The following ANKRD34A variants were observed in gnomAD, a reference collection of about 807,000 sequenced individuals.
ANKRD34A encodes ankyrin repeat domain 34A.
In ANKRD34A, 7 loss-of-function variants were observed where a neutral mutation model predicts 27.1. The ratio of observed to expected loss-of-function variants is 0.26; its 90% CI spans 0.15 to 0.49. ANKRD34A has a LOEUF of 0.49. ANKRD34A is among the 20% of genes least tolerant of loss of function. The pLI is 0.99. For missense variants in ANKRD34A, 472 were observed against 682.1 expected (o/e 0.69, Z 3.43); for synonymous variants, 301 against 300.8 (o/e 1.00, Z -0.01).
chr1:145,961,319 A>G lies in ANKRD34A; in HGVS notation c.441T>C (p.Asp147=), dbSNP rs1356323899. The G allele has an allele frequency of 1.9e-6, 3 of 1,614,052 alleles. No homozygotes were observed. Among genetic ancestry groups the G allele is most frequent in the Admixed American group, 1.7e-5 (1 of 60,022 alleles). ...TCTTCTTGGTGCCTGAGGGCGAGGT[A>G]TCGGTGGTGATGATGATGACCTCCG... is the stretch of plus-strand genomic sequence containing the variant. ...KGTEVIIITT[D]TSPSGTKKTR... is the part of the protein sequence containing the mutation. The change falls in exon 4 of 4, where the codon GAT becomes GAC. Residue 147 remains aspartate (D), a synonymous_variant. Coordinates refer to ENST00000606888, the MANE Select transcript of ANKRD34A (RefSeq NM_001039888.4). This position sits in a 1 kb window ranked among gnomAD's most constrained non-coding sequence, Gnocchi z 9.5.
chr1:145,960,929 G>A lies in ANKRD34A; in HGVS notation c.831C>T (p.Gly277=). The A allele has an allele frequency of 6.2e-7, 1 of 1,614,224 alleles. No individual in the cohort carries two copies. Among genetic ancestry groups the A allele is most frequent in the African/African-American group, 1.3e-5 (1 of 75,072 alleles). ...GACGGGGTCGACCGGTCAGGGTCAG[G>A]CCATTGAATTCGGCAGTCAAGCGCT... ...GIERLTAEFN[G]LTLTGRPRLS... Residue 277 remains glycine, a synonymous_variant, in exon 4 of 4, where the codon GGC becomes GGT. Transcript: ENST00000606888. The surrounding 1 kb of genome is among the most constrained non-coding windows in gnomAD (Gnocchi z 5.5).
chr1:145,960,519 A>T lies in ANKRD34A; in HGVS notation c.1241T>A (p.Leu414Gln). Residue 414 changes from leucine to glutamine, a missense_variant, in exon 4 of 4, where the codon CTG (leucine) becomes CAG (glutamine). Leu to Gln is a moderately radical substitution (Grantham distance 113). Around this residue, in one of 4 missense-constraint regions of ANKRD34A, gnomAD observed 295 missense variants for 335.0 expected, o/e 0.88. Coordinates refer to ENST00000606888, the MANE Select transcript of ANKRD34A (RefSeq NM_001039888.4). This position sits in a 1 kb window ranked among gnomAD's most constrained non-coding sequence, Gnocchi z 5.5. ...LERRGSGTLLLDHISQTRPGF... is the reference protein window; with the variant it reads ...LERRGSGTLLQDHISQTRPGF... ...CGGCCGCGTTTGCGAGATGTGGTCCAGGAGCAACGTCCCCGAGCCCCTCCG... is the reference window on the plus strand; with the variant it reads ...CGGCCGCGTTTGCGAGATGTGGTCCTGGAGCAACGTCCCCGAGCCCCTCCG... The T allele has an allele frequency of 6.3e-7, 1 of 1,595,464 alleles. No homozygotes were observed. Among genetic ancestry groups the T allele is most frequent in the South Asian group, 1.1e-5 (1 of 87,864 alleles).
Position 145,960,591 on chromosome 1 carries a change from G to A in ANKRD34A, c.1169C>T (p.Ala390Val). Residue 390 changes from alanine to valine, a missense_variant, in exon 4 of 4, where the codon GCA becomes GTA. Physicochemically the swap from Ala to Val is moderately conservative, Grantham distance 64. Around this residue, in one of 4 missense-constraint regions of ANKRD34A, gnomAD observed 295 missense variants for 335.0 expected, o/e 0.88. Transcript: ENST00000606888. This position sits in a 1 kb window ranked among gnomAD's most constrained non-coding sequence, Gnocchi z 5.5. ...PRQSQESLPG[A>V]VSPLSGRRRS... ...CCTCCTTCCGCTTAGCGGAGATACT[G>A]CCCCTGGCAGACTCTCCTGGGACTG... 2 of 1,584,456 alleles carry A rather than the reference G, an allele frequency of 1.3e-6. No homozygotes were observed. Among genetic ancestry groups the A allele is most frequent in the Non-Finnish European group, 8.6e-7 (1 of 1,163,598 alleles).
rs1649873166 is a variant in ANKRD34A, at chr1:145,963,379, C to T, written c.-738G>A. Reference sequence around the variant, plus strand: ...TGCTTAGACGTCTTATTTTTTCCATCTTGCTTGACGATCTCTGTCTGAAAC... The same window carrying T: ...TGCTTAGACGTCTTATTTTTTCCATTTTGCTTGACGATCTCTGTCTGAAAC... On this transcript the variant is annotated 5_prime_UTR_variant, in exon 2 of 4. Transcript: ENST00000606888. The T allele has an allele frequency of 6.6e-6, 1 of 152,296 alleles. No homozygotes were observed. Among genetic ancestry groups the T allele is most frequent in the Non-Finnish European group, 1.5e-5 (1 of 68,076 alleles). The allele number at this position is 152,296 out of a possible 1,614,324, so 9.4% of individuals were successfully genotyped here. A position where few individuals can be genotyped will look rare whatever the true frequency, so the allele number is the denominator to read the frequency against.
Position 145,960,177 on chromosome 1 carries a change from A to C in ANKRD34A, c.*92T>G. 7.1e-7 allele frequency: 1 copy of C among 1,400,422 alleles called. No homozygotes were observed. The highest frequency in any genetic ancestry group is 3.2e-5 in the Admixed American group (1 of 31,326). The allele number at this position is 1,400,422 out of a possible 1,614,324, so 86.7% of individuals were successfully genotyped here. ...GTGCACCCATGAGCACATGCAAGAGATCCCTTTGTTCGTGGTGTGTGTGTG... is the reference window on the plus strand; with the variant it reads ...GTGCACCCATGAGCACATGCAAGAGCTCCCTTTGTTCGTGGTGTGTGTGTG... On this transcript the variant is annotated 3_prime_UTR_variant, in exon 4 of 4. Coordinates refer to ENST00000606888, the MANE Select transcript of ANKRD34A (RefSeq NM_001039888.4). The surrounding 1 kb of genome is among the most constrained non-coding windows in gnomAD (Gnocchi z 5.5).
In ANKRD34A at chr1:145,960,788, A is replaced by C. The variant is rs1225103792; in HGVS notation, c.972T>G (p.Gly324=). 1.9e-6 allele frequency: 3 copies of C among 1,614,018 alleles called. No individual in the cohort carries two copies. The African/African-American group carries it at 4.0e-5, about 22-fold the overall frequency. Residue 324 remains glycine, a synonymous_variant, in exon 4 of 4, where the codon GGT becomes GGG. Coordinates refer to ENST00000606888, the MANE Select transcript of ANKRD34A (RefSeq NM_001039888.4). This position sits in a 1 kb window ranked among gnomAD's most constrained non-coding sequence, Gnocchi z 5.5. Reference sequence around the variant, plus strand: ...GTTTCTGCCTCAGCCCTGAAGGGGGACCAGACTCCTGAGCTTCTGGTGCTG... The same window carrying C: ...GTTTCTGCCTCAGCCCTGAAGGGGGCCCAGACTCCTGAGCTTCTGGTGCTG... The part of the protein sequence containing the change: ...RNTAPEAQES[G]PPSGLRQKLS...
chr1:145,962,384 C>A, intron 3 of ANKRD34A, 37 bp downstream of exon 3: 1 of 152,636 alleles, frequency 6.6e-6, no homozygotes, highest in Non-Finnish European at 1.5e-5. Context: ...TCACTCCTTG[C>A]TCTTTCCCCT....
In ANKRD34A at chr1:145,961,311, G is replaced by A; in HGVS notation, c.449C>T (p.Pro150Leu). 6.2e-7 allele frequency: 1 copy of A among 1,614,040 alleles called. No individual in the cohort carries two copies. The highest frequency in any genetic ancestry group is 8.5e-7 in the Non-Finnish European group (1 of 1,180,014). The change falls in exon 4 of 4, where the codon CCC becomes CTC. Residue 150 changes from proline (P) to leucine (L), a missense_variant. Physicochemically the swap from Pro to Leu is moderately conservative, Grantham distance 98. Around this residue, in one of 4 missense-constraint regions of ANKRD34A, gnomAD observed 118 missense variants for 253.6 expected, o/e 0.47. Coordinates refer to ENST00000606888, the MANE Select transcript of ANKRD34A (RefSeq NM_001039888.4). The surrounding 1 kb of genome is among the most constrained non-coding windows in gnomAD (Gnocchi z 9.5). Reference protein sequence around the residue: ...EVIIITTDTSPSGTKKTRQYL... With the variant: ...EVIIITTDTSLSGTKKTRQYL... ...CTGCCGGGTCTTCTTGGTGCCTGAG[G>A]GCGAGGTATCGGTGGTGATGATGAT...
Position 145,960,533 on chromosome 1 carries a change from C to T in ANKRD34A, c.1227G>A (p.Ser409=), listed in dbSNP as rs782387432. 1.3e-6 allele frequency: 2 copies of T among 1,586,546 alleles called. No individual in the cohort carries two copies. The highest frequency in any genetic ancestry group is 2.3e-5 in the South Asian group (2 of 87,080). ...RSPGLLERRG[S]GTLLLDHISQ... ...AGATGTGGTCCAGGAGCAACGTCCC[C>T]GAGCCCCTCCGCTCCAGCAGCCCCG... The change falls in exon 4 of 4, where the codon TCG becomes TCA. Residue 409 remains serine (S), a synonymous_variant. Transcript: ENST00000606888. This position sits in a 1 kb window ranked among gnomAD's most constrained non-coding sequence, Gnocchi z 5.5.
Position 145,960,571 on chromosome 1 carries a change from T to C in ANKRD34A, c.1189A>G (p.Arg397Gly), listed in dbSNP as rs782481895. 2.4e-5 allele frequency: 38 copies of C among 1,585,740 alleles called. No homozygotes were observed. Among genetic ancestry groups the C allele is most frequent in the Non-Finnish European group, 2.9e-5 (34 of 1,165,334 alleles). ...LPGAVSPLSG[R>G]RRSPGLLERR... ...TCCAGCAGCCCCGGACTCCGCCTCCTTCCGCTTAGCGGAGATACTGCCCCT... is the reference window on the plus strand; with the variant it reads ...TCCAGCAGCCCCGGACTCCGCCTCCCTCCGCTTAGCGGAGATACTGCCCCT... The change falls in exon 4 of 4, where the codon AGG becomes GGG. Residue 397 changes from arginine to glycine, a missense_variant. Arg to Gly is a moderately radical substitution (Grantham distance 125). Around this residue, in one of 4 missense-constraint regions of ANKRD34A, gnomAD observed 295 missense variants for 335.0 expected, o/e 0.88. Coordinates refer to ENST00000606888, the MANE Select transcript of ANKRD34A (RefSeq NM_001039888.4). This position sits in a 1 kb window ranked among gnomAD's most constrained non-coding sequence, Gnocchi z 5.5.
In ANKRD34A at chr1:145,962,617, G is replaced by C. The variant is rs1471983797; in HGVS notation, c.-317C>G. ...AGCGCCCCGGGCACAGCGCCGGCTC[G>C]GGAGGAGAGAAGCTTGGCGGGGGGG... On this transcript the variant is annotated 5_prime_UTR_variant, in exon 3 of 4. Coordinates refer to ENST00000606888, the MANE Select transcript of ANKRD34A (RefSeq NM_001039888.4). The C allele has an allele frequency of 7.7e-5, 10 of 129,784 alleles. No homozygotes were observed. The highest frequency in any genetic ancestry group is 9.8e-5 in the Non-Finnish European group (6 of 61,154). The allele number at this position is 129,784 out of a possible 1,614,324, so 8.0% of individuals were successfully genotyped here. A position where few individuals can be genotyped will look rare whatever the true frequency, so the allele number is the denominator to read the frequency against.
Position 145,961,480 on chromosome 1 carries a change from C to A in ANKRD34A, c.280G>T (p.Ala94Ser). Residue 94 changes from alanine to serine, a missense_variant, in exon 4 of 4, where the codon GCC (alanine) becomes TCC (serine). Physicochemically the swap from Ala to Ser is moderately conservative, Grantham distance 99. Transcript: ENST00000606888. This position sits in a 1 kb window ranked among gnomAD's most constrained non-coding sequence, Gnocchi z 9.5. ...ACAGGGGAAV[A>S]SLLLAHGADP... ...GCGCCGTGGGCAAGGAGCAGCGAGG[C>A]CACCGCGGCGCCCCCACCCCCGGCG... 1 of 1,576,618 alleles carries A rather than the reference C, an allele frequency of 6.3e-7. No homozygotes were observed. The highest frequency in any genetic ancestry group is 8.6e-7 in the Non-Finnish European group (1 of 1,161,566).
chr1:145,960,147 G>A lies in ANKRD34A; in HGVS notation c.*122C>T, dbSNP rs1413108797. The stretch of plus-strand genomic sequence containing the variant: ...GACACATGTTTAACCATGTGTGGGT[G>A]CACTGTGCACCCATGAGCACATGCA... On this transcript the variant is annotated 3_prime_UTR_variant, in exon 4 of 4. Transcript: ENST00000606888. This position sits in a 1 kb window ranked among gnomAD's most constrained non-coding sequence, Gnocchi z 5.5. The A allele has an allele frequency of 8.4e-7, 1 of 1,192,252 alleles. No homozygotes were observed. Among genetic ancestry groups the A allele is most frequent in the Admixed American group, 3.5e-5 (1 of 28,668 alleles). The allele number at this position is 1,192,252 out of a possible 1,614,324, so 73.9% of individuals were successfully genotyped here.
Position 145,961,580 on chromosome 1 carries a change from T to C in ANKRD34A, c.180A>G (p.Val60=). 1 of 1,606,640 alleles carries C rather than the reference T, an allele frequency of 6.2e-7. No individual in the cohort carries two copies. The highest frequency in any genetic ancestry group is 1.1e-5 in the South Asian group (1 of 90,122). ...YDDPQNKARM[V]RYLLEQGADP... Reference sequence around the variant, plus strand: ...CCGCGCCTTGCTCCAGGAGGTAGCGTACCATGCGTGCCTTGTTCTGGGGGT... The same window carrying C: ...CCGCGCCTTGCTCCAGGAGGTAGCGCACCATGCGTGCCTTGTTCTGGGGGT... The change falls in exon 4 of 4, where the codon GTA becomes GTG. Residue 60 remains valine (V), a synonymous_variant. Coordinates refer to ENST00000606888, the MANE Select transcript of ANKRD34A (RefSeq NM_001039888.4). This position sits in a 1 kb window ranked among gnomAD's most constrained non-coding sequence, Gnocchi z 9.5.
rs1649782727 is a variant in ANKRD34A, at chr1:145,961,890, G to A, written c.-120-11C>T. On this transcript the variant is annotated splice_polypyrimidine_tract_variant and intron_variant, in intron 3 of 3. Transcript: ENST00000606888. This position sits in a 1 kb window ranked among gnomAD's most constrained non-coding sequence, Gnocchi z 9.5. Reference sequence around the variant, plus strand: ...TGACGAAGCCGATCCCTGCAAGAGAGACATCTCATTGATAGATTCGGCAGG... The same window carrying A: ...TGACGAAGCCGATCCCTGCAAGAGAAACATCTCATTGATAGATTCGGCAGG... 4 of 1,076,396 alleles carry A rather than the reference G, an allele frequency of 3.7e-6. No individual in the cohort carries two copies. Among genetic ancestry groups the A allele is most frequent in the Non-Finnish European group, 5.2e-6 (4 of 772,374 alleles). The allele number at this position is 1,076,396 out of a possible 1,614,324, so 66.7% of individuals were successfully genotyped here. A position where few individuals can be genotyped will look rare whatever the true frequency, so the allele number is the denominator to read the frequency against.
In ANKRD34A at chr1:145,961,411, G is replaced by A; in HGVS notation, c.349C>T (p.His117Tyr). 6.2e-7 allele frequency: 1 copy of A among 1,612,722 alleles called. No individual in the cohort carries two copies. The highest frequency in any genetic ancestry group is 8.5e-7 in the Non-Finnish European group (1 of 1,179,508). Reference protein sequence around the residue: ...RDHAGASALVHALDRGDRETL... With the variant: ...RDHAGASALVYALDRGDRETL... The stretch of plus-strand genomic sequence containing the variant: ...TCGCGGTCCCCGCGGTCCAGGGCGT[G>A]GACAAGAGCCGAGGCGCCCGCGTGA... Residue 117 changes from histidine (H) to tyrosine (Y), a missense_variant, in exon 4 of 4, where the codon CAC (histidine) becomes TAC (tyrosine). By Grantham distance (83) the His-to-Tyr change is moderately conservative. Coordinates refer to ENST00000606888, the MANE Select transcript of ANKRD34A (RefSeq NM_001039888.4). The surrounding 1 kb of genome is among the most constrained non-coding windows in gnomAD (Gnocchi z 9.5).
rs1553761255 is a variant in ANKRD34A at position 145,960,911 on chromosome 1, T to A, written c.849A>T (p.Arg283=). 1 of 1,613,264 alleles carries A rather than the reference T, an allele frequency of 6.2e-7. No individual in the cohort carries two copies. The highest frequency in any genetic ancestry group is 1.7e-5 in the Admixed American group (1 of 59,934). Residue 283 remains arginine, a synonymous_variant, in exon 4 of 4, where the codon CGA becomes CGT. Coordinates refer to ENST00000606888, the MANE Select transcript of ANKRD34A (RefSeq NM_001039888.4). This position sits in a 1 kb window ranked among gnomAD's most constrained non-coding sequence, Gnocchi z 5.5. ...AEFNGLTLTG[R]PRLSRRHSTE... is the part of the protein sequence containing the mutation. ...TGCTGTGACGTCGGGAAAGACGGGG[T>A]CGACCGGTCAGGGTCAGGCCATTGA... is the stretch of plus-strand genomic sequence containing the variant.
rs1553761419 is a variant in ANKRD34A, at chr1:145,961,536, C to T, written c.224G>A (p.Arg75Gln). The T allele has an allele frequency of 6.3e-6, 10 of 1,584,432 alleles. No homozygotes were observed. The highest frequency in any genetic ancestry group is 8.6e-6 in the Non-Finnish European group (10 of 1,165,544). The part of the protein sequence containing the change: ...EQGADPNIAD[R>Q]LGRTALMHAC... ...GTGCATGAGCGCCGTGCGCCCTAAT[C>T]GGTCTGCGATATTGGGGTCCGCGCC... Residue 75 changes from arginine to glutamine, a missense_variant, in exon 4 of 4, where the codon CGA (arginine) becomes CAA (glutamine). Coordinates refer to ENST00000606888, the MANE Select transcript of ANKRD34A (RefSeq NM_001039888.4). This position sits in a 1 kb window ranked among gnomAD's most constrained non-coding sequence, Gnocchi z 9.5.
In ANKRD34A at chr1:145,960,932, A is replaced by T; in HGVS notation, c.828T>A (p.Asn276Lys). 2.5e-6 allele frequency: 4 copies of T among 1,614,166 alleles called. No individual in the cohort carries two copies. The highest frequency in any genetic ancestry group is 3.4e-6 in the Non-Finnish European group (4 of 1,180,016). ...GGGGTCGACCGGTCAGGGTCAGGCC[A>T]TTGAATTCGGCAGTCAAGCGCTCGA... ...PGIERLTAEF[N>K]GLTLTGRPRL... Residue 276 changes from asparagine (N) to lysine (K), a missense_variant, in exon 4 of 4, where the codon AAT (asparagine) becomes AAA (lysine). By Grantham distance (94) the Asn-to-Lys change is moderately conservative (BLOSUM62 0). Transcript: ENST00000606888. The surrounding 1 kb of genome is among the most constrained non-coding windows in gnomAD (Gnocchi z 5.5).
Sources: allele counts gnomAD v4.1 joint callset, GRCh38; gene constraint gnomAD v4.1.1; regional missense constraint gnomAD v4.1.1; non-coding constraint Gnocchi (gnomAD v3.1); transcripts MANE v1.5; gene names NCBI Gene and HGNC (gene_info 2026-07-23, HGNC 2026-07-21).